The following TCHP variants were observed in gnomAD, a reference collection of about 807,000 sequenced individuals.
TCHP encodes the protein trichoplein keratin filament-binding protein.
Under a neutral mutation model 88.7 loss-of-function variants are expected in TCHP, and 81 were observed. The ratio of observed to expected loss-of-function variants is 0.91; its 90% CI spans 0.76 to 1.10. The LOEUF (loss-of-function observed/expected upper bound fraction) is 1.10. Ranked by LOEUF, TCHP falls within the 50% of genes least tolerant of loss-of-function variation. The pLI, the probability that TCHP is intolerant of heterozygous loss-of-function variation, is 0.00. For synonymous variants in TCHP, 232 were observed against 232.5 expected, an observed-to-expected ratio of 1.00 and a Z score of 0.02; for missense variants, 641 against 632.1, an observed-to-expected ratio of 1.01 and a Z score of -0.15.
At chr12:109,889,088 G>A in the TCHP span, among the ~76,000 whole-genome samples, 6 of 151,682 alleles carry the variant, frequency 4.0e-5, no homozygotes, top group East Asian at 1.9e-4. Context: ...CAGGACTTTC[G>A]GAGGATGAGG....
At chr12:109,912,254 C>T (rs61940899) in intron 9 of TCHP, among the ~76,000 whole-genome samples, 7,863 of 152,274 alleles carry the variant, frequency 0.052, 272 homozygotes, top group Middle Eastern at 0.082. Flanking sequence ...TTACAGGCCT[C>T]ATCTTACTGA....
In TCHP at chr12:109,900,281, G is replaced by T. The variant is rs953358098; in HGVS notation, c.-146G>T. On this transcript the variant is annotated 5_prime_UTR_variant, in exon 1 of 13. Transcript: ENST00000405876. ...TGGCCCTTGCGACGCTCCGTCGTCGGGCTCGTTGCCGGTGCAAACAGGGAG... is the reference window on the plus strand; with the variant it reads ...TGGCCCTTGCGACGCTCCGTCGTCGTGCTCGTTGCCGGTGCAAACAGGGAG... 1 of 152,152 alleles carries T rather than the reference G, an allele frequency of 6.6e-6. No homozygotes were observed. Among genetic ancestry groups the T allele is most frequent in the Non-Finnish European group, 1.5e-5 (1 of 68,030 alleles). The allele number at this position is 152,152 out of a possible 1,614,324, so 9.4% of individuals were successfully genotyped here.
rs368092010 is a variant in TCHP, at chr12:109,904,185, G to A, written c.399+38G>A. On this transcript the variant is annotated intron_variant, in intron 3 of 12. Transcript: ENST00000405876. ...AGGGCTTCAGGAGGCTGTGGAGCAG[G>A]AGTGTTCCCAGCCTGAGTGTGTCGC... 2.6e-6 allele frequency: 4 copies of A among 1,534,536 alleles called. No individual in the cohort carries two copies. In the African/African-American group the frequency reaches 4.1e-5, roughly 16 times the overall value.
upstream of TCHP, among the ~76,000 whole-genome samples, chr12:109,898,080 A>G (rs11068821): frequency 0.15 from 22,709 of 152,168 alleles, 2,755 homozygotes; most frequent in African/African-American, 0.34. Flanking sequence ...CTGATTAAAC[A>G]GGTGCCAACT....
intron 5 of TCHP, among the ~76,000 whole-genome samples, chr12:109,907,223 T>C (rs1174917950): frequency 2.0e-5 from 3 of 152,232 alleles, no homozygotes; most frequent in Admixed American, 6.5e-5. Flanking sequence ...TTGTCTCTCT[T>C]TTGATGAAAT....
At chr12:109,894,723 C>G in the TCHP span, among the ~76,000 whole-genome samples, 1 of 146,750 alleles carries the variant, frequency 6.8e-6, no homozygotes, top group Non-Finnish European at 1.5e-5. Flanking sequence ...CAAGATCGCG[C>G]CATTGCACTC....
upstream of TCHP, among the ~76,000 whole-genome samples, chr12:109,897,820 A>C (rs1181084776): frequency 6.6e-6 from 1 of 152,032 alleles, no homozygotes; most frequent in Non-Finnish European, 1.5e-5. Context: ...AGCCTCCCAA[A>C]ATACTAGGAT....
At position 109,911,096 on chromosome 12, in the gene TCHP, G is replaced by A. The variant is rs1050875883; in HGVS notation, c.913G>A (p.Glu305Lys). ...CAGGCGGATCCTGCAGGCCCTCCTC[G>A]AGAAGGAGGACGAGAGCCAGCGCCT... ...ADRRILQALL[E>K]KEDESQRLHL... The change falls in exon 9 of 13, where the codon GAG (glutamate) becomes AAG (lysine). Residue 305 changes from glutamate to lysine, a missense_variant. Coordinates refer to ENST00000405876, the MANE Select transcript of TCHP (RefSeq NM_001143852.2). 34 of 1,595,372 alleles carry A rather than the reference G, an allele frequency of 2.1e-5. No individual in the cohort carries two copies. Among genetic ancestry groups the A allele is most frequent in the African/African-American group, 2.7e-5 (2 of 74,596 alleles).
the TCHP span, among the ~76,000 whole-genome samples, chr12:109,894,045 A>G: frequency 1.3e-5 from 2 of 152,046 alleles, no homozygotes; most frequent in Non-Finnish European, 2.9e-5. Flanking sequence ...TTAGCCAGGC[A>G]TGGTGGCAGG....
chr12:109,909,062 A>G, intron 8 of TCHP, 125 bp downstream of exon 8: 1 of 881,608 alleles, frequency 1.1e-6, no homozygotes, highest in Non-Finnish European at 1.8e-6. Context: ...GAAAGGGGAG[A>G]TGTTGGTCAA....
chr12:109,883,919 C>G, the TCHP span, among the ~76,000 whole-genome samples: 1 of 152,070 alleles, frequency 6.6e-6, no homozygotes. Flanking sequence ...TTTTGCTTTC[C>G]CATAGCTTGT....
chr12:109,885,746 A>T, the TCHP span, among the ~76,000 whole-genome samples: 1 of 150,486 alleles, frequency 6.6e-6, no homozygotes, highest in Admixed American at 6.6e-5. Flanking sequence ...CTCGCAAAGT[A>T]CTGTGATTAC....
chr12:109,893,878 A>G, the TCHP span, among the ~76,000 whole-genome samples: 1 of 152,242 alleles, frequency 6.6e-6, no homozygotes, highest in South Asian at 2.1e-4. Flanking sequence ...AGAGAGAGAA[A>G]TATGGGCTAA....
Position 109,907,512 on chromosome 12 carries a change from T to C in TCHP, c.526-14T>C, listed in dbSNP as rs139124976. ...GGTACAGATATTGACCTGTGTTCAT[T>C]TGGTCCCTTGTAGCAAGAAGCCACC... On this transcript the variant is annotated splice_polypyrimidine_tract_variant and intron_variant, in intron 5 of 12. Transcript: ENST00000405876. The C allele has an allele frequency of 2.2e-5, 36 of 1,613,458 alleles. No homozygotes were observed. The highest frequency in any genetic ancestry group is 1.7e-4 in the African/African-American group (13 of 74,928).
At chr12:109,911,264 T>C in intron 9 of TCHP, 29 bp downstream of exon 9, 3 of 1,331,458 alleles carry the variant, frequency 2.3e-6, no homozygotes, top group Non-Finnish European at 3.1e-6. Flanking sequence ...CTGGGCTGGA[T>C]GCTCCTGGCC....
rs1370322272 is a variant in TCHP, at chr12:109,906,605, A to C, written c.490A>C (p.Asn164His). ...GGACCTTCACCAGAAGCATGTCGTA[A>C]ACTCTTGGGAAATGCAGAAAGAAGA... Reference protein sequence around the residue: ...ELDLHQKHVVNSWEMQKEEKK... With the variant: ...ELDLHQKHVVHSWEMQKEEKK... The change falls in exon 5 of 13, where the codon AAC (asparagine) becomes CAC (histidine). Residue 164 changes from asparagine to histidine, a missense_variant. Asn to His is a moderately conservative substitution (Grantham distance 68). Coordinates refer to ENST00000405876, the MANE Select transcript of TCHP (RefSeq NM_001143852.2). The C allele has an allele frequency of 6.2e-7, 1 of 1,612,002 alleles. No individual in the cohort carries two copies. The highest frequency in any genetic ancestry group is 8.5e-7 in the Non-Finnish European group (1 of 1,179,914).
chr12:109,897,604 A>T (rs1221938102), upstream of TCHP, among the ~76,000 whole-genome samples: 1 of 149,466 alleles, frequency 6.7e-6, no homozygotes, highest in East Asian at 2.0e-4. Context: ...TCTGTTGCCC[A>T]GGCTGGAGTT....
chr12:109,916,188 C>T (rs1450660036), intron 12 of TCHP, among the ~76,000 whole-genome samples: 5 of 152,266 alleles, frequency 3.3e-5, no homozygotes, highest in Admixed American at 2.6e-4. Context: ...CCCCAGGACA[C>T]ATGCTGCAGA....
the TCHP span, among the ~76,000 whole-genome samples, chr12:109,894,945 C>T: frequency 7.2e-6 from 1 of 139,642 alleles, no homozygotes; most frequent in African/African-American, 2.7e-5. Flanking sequence ...GGGGTGGGGT[C>T]GGGGGGTGAG....
Sources: allele counts gnomAD v4.1 joint callset (sites outside exome capture counted in the v4.1 genomes callset), GRCh38; gene constraint gnomAD v4.1.1; transcripts MANE v1.5; gene names NCBI Gene and HGNC (gene_info 2026-07-23, HGNC 2026-07-21).